EEF2K: variants seen among roughly 807,000 people sequenced by gnomAD.
EEF2K encodes alternative protein EEF2K.
Under a neutral mutation model 93.8 loss-of-function variants are expected in EEF2K, and 70 were observed. That is an observed-to-expected ratio of 0.75 (90% confidence interval 0.62 to 0.91). EEF2K has a LOEUF of 0.91. Among genes scored for constraint, EEF2K ranks in the 40% least tolerant of loss-of-function variants. EEF2K has a pLI of 0.00. For synonymous variants in EEF2K, 376 were observed against 380.8 expected, an observed-to-expected ratio of 0.99 and a Z score of 0.15; for missense variants, 935 against 972.9, an observed-to-expected ratio of 0.96 and a Z score of 0.52.
chr16:22,263,375 A>G lies in EEF2K; in HGVS notation c.1377+188A>G, dbSNP rs566836361. 3.5e-4 allele frequency: 115 copies of G among 329,140 alleles called. No homozygotes were observed. In the South Asian group the frequency reaches 4.3e-3, roughly 12 times the overall value. 20.4% of individuals were successfully genotyped at this position (329,140 alleles called of 1,614,324 possible). On this transcript the variant is annotated intron_variant, in intron 12 of 17. Transcript: ENST00000263026. ...TGTAATCCCAGCACTTTGGGAGGCC[A>G]AGGCGGGTGGATCACCTGACATCAG...
In EEF2K at chr16:22,281,489, C is replaced by A. The variant is rs182935157; in HGVS notation, c.2068+1113C>A. Among the ~76,000 whole-genome samples the A allele has an allele frequency of 1.0e-3, 154 of 152,318 alleles. No homozygotes were observed. In the Middle Eastern group the frequency reaches 0.017, roughly 17 times the overall value. On this transcript the variant is annotated intron_variant, in intron 17 of 17. Transcript: ENST00000263026. ...ACTCCTAGCCTCAAGCAATCTGCTG[C>A]CTTGGCTTCCCAAAGTCTTTGGATT...
chr16:22,278,233 G>A (rs1473212954), intron 16 of EEF2K, among the ~76,000 whole-genome samples: 1 of 152,032 alleles, frequency 6.6e-6, no homozygotes, highest in African/African-American at 2.4e-5. Flanking sequence ...GAGAGCAAAA[G>A]GGGGCTGAAC....
intron 6 of EEF2K, among the ~76,000 whole-genome samples, chr16:22,251,601 T>G (rs934335837): frequency 1.3e-5 from 2 of 149,062 alleles, no homozygotes; most frequent in African/African-American, 4.9e-5. Context: ...ATTTTTGTAT[T>G]TTTAGTAGAG....
At chr16:22,216,780 G>A (rs2046961805) in intron 1 of EEF2K, among the ~76,000 whole-genome samples, 1 of 152,080 alleles carries the variant, frequency 6.6e-6, no homozygotes, top group Admixed American at 6.6e-5. Context: ...GGGATAGGGT[G>A]GGGAAGGGAA....
At chr16:22,217,595 G>A (rs1244629244) in intron 1 of EEF2K, among the ~76,000 whole-genome samples, 2 of 152,016 alleles carry the variant, frequency 1.3e-5, no homozygotes, top group East Asian at 1.9e-4. Flanking sequence ...TGGGATTACC[G>A]GCTCGTGCCA....
intron 11 of EEF2K, among the ~76,000 whole-genome samples, chr16:22,261,839 TA>T (rs1269679008): frequency 1.3e-5 from 2 of 151,450 alleles, no homozygotes; most frequent in East Asian, 3.9e-4. Flanking sequence ...ACCTCATCCC[TA>T]CAAAAAATAT....
At chr16:22,259,704 G>A (rs1020392546) in intron 10 of EEF2K, among the ~76,000 whole-genome samples, 3 of 151,706 alleles carry the variant, frequency 2.0e-5, no homozygotes, top group African/African-American at 7.3e-5. Flanking sequence ...GCTGTAGAGG[G>A]CAGGAGACAG....
intron 2 of EEF2K, among the ~76,000 whole-genome samples, chr16:22,229,094 G>T (rs1191894840): frequency 6.6e-6 from 1 of 151,974 alleles, no homozygotes; most frequent in Non-Finnish European, 1.5e-5. Context: ...AGCCGAGATC[G>T]CACCACTGCA....
At chr16:22,225,627 ACT>A in intron 1 of EEF2K, 25 bp from the exon 2 acceptor site, 1 of 1,521,182 alleles carries the variant, frequency 6.6e-7, no homozygotes, top group South Asian at 1.3e-5. Context: ...CCCAGCACCC[ACT>A]CTCTGGCCCT....
intron 1 of EEF2K, among the ~76,000 whole-genome samples, chr16:22,225,142 A>C (rs2047050595): frequency 6.6e-6 from 1 of 152,174 alleles, no homozygotes; most frequent in African/African-American, 2.4e-5. Flanking sequence ...TGTTCCAGGC[A>C]CAAGGAACAG....
At chr16:22,236,527 T>TG (rs2047169423) in intron 2 of EEF2K, among the ~76,000 whole-genome samples, 1 of 151,878 alleles carries the variant, frequency 6.6e-6, no homozygotes, top group South Asian at 2.1e-4. Context: ...GAAGTGATGA[T>TG]GGGGAAAAAA....
chr16:22,274,460 A>G (rs1189978255), intron 16 of EEF2K, among the ~76,000 whole-genome samples: 1 of 151,402 alleles, frequency 6.6e-6, no homozygotes, highest in African/African-American at 2.4e-5. Context: ...AAAAAAAAAA[A>G]AGATAAAAGT....
intron 2 of EEF2K, among the ~76,000 whole-genome samples, chr16:22,236,460 G>A (rs2047168802): frequency 6.6e-6 from 1 of 151,402 alleles, no homozygotes; most frequent in East Asian, 1.9e-4. Context: ...ATTTGTAGTA[G>A]AGGCAGGGTT....
Position 22,266,725 on chromosome 16 carries a change from G to A in EEF2K, c.1613G>A (p.Arg538His), listed in dbSNP as rs370102420. ...LAMVRYHEGG[R>H]FCEKGEEWDQ... is the part of the protein sequence containing the mutation. ...ATGGTGCGCTACCACGAGGGTGGGC[G>A]CTTCTGCGAGAAGGGCGAGGAGTGG... The change falls in exon 15 of 18, where the codon CGC (arginine) becomes CAC (histidine). Residue 538 changes from arginine to histidine, a missense_variant. Transcript: ENST00000263026. 123 of 1,613,638 alleles carry A rather than the reference G, an allele frequency of 7.6e-5. No individual in the cohort carries two copies. Among genetic ancestry groups the A allele is most frequent in the South Asian group, 4.8e-4 (44 of 90,954 alleles).
intron 1 of EEF2K, among the ~76,000 whole-genome samples, chr16:22,224,642 AAAAAAG>A (rs1334900165): frequency 3.8e-5 from 5 of 130,110 alleles, no homozygotes; most frequent in East Asian, 3.4e-4. Flanking sequence ...GTCTCAAAAA[AAAAAAG>A]AAAAGAAAAG....
rs2047500272 is a variant in EEF2K at position 22,264,731 on chromosome 16, A to C, written c.1378-87A>C. 8.0e-6 allele frequency: 12 copies of C among 1,504,822 alleles called. No individual in the cohort carries two copies. The East Asian group carries it at 2.8e-4, about 35-fold the overall frequency. The allele number at this position is 1,504,822 out of a possible 1,614,324, so 93.2% of individuals were successfully genotyped here. ...CACCTAGGAGGGCCAGGCTGGTTCC[A>C]GGGAGGAGGGCTGGACCAGCTCTCA... On this transcript the variant is annotated intron_variant, in intron 12 of 17. Transcript: ENST00000263026.
At chr16:22,243,602 C>T (rs567013595) in intron 2 of EEF2K, among the ~76,000 whole-genome samples, 1 of 151,986 alleles carries the variant, frequency 6.6e-6, no homozygotes, top group East Asian at 1.9e-4. Context: ...TACCCGTTCC[C>T]TGATATCCGG....
rs569153097 is a variant in EEF2K, at chr16:22,286,373, C to G, written c.*2377C>G. On this transcript the variant is annotated 3_prime_UTR_variant, in exon 18 of 18. Coordinates refer to ENST00000263026, the MANE Select transcript of EEF2K (RefSeq NM_013302.5). ...TGCTTTTTAAATTCAGCCAGCCCCC[C>G]CTCTCTGAAATTTTATTATGTAAAT... 6.6e-5 allele frequency: 10 copies of G among 152,262 alleles called. No individual in the cohort carries two copies. In the South Asian group the frequency reaches 1.0e-3, roughly 16 times the overall value. The allele number at this position is 152,262 out of a possible 1,614,324, so 9.4% of individuals were successfully genotyped here.
Position 22,225,939 on chromosome 16 carries a change from C to T in EEF2K, c.210C>T (p.Ser70=). ...YSNLTKSERY[S]SSGSPANSFH... ...ACCTAACAAAAAGTGAGCGGTATAG[C>T]TCCAGCGGGTCCCCGGCAAACTCCT... Residue 70 remains serine (S), a synonymous_variant, in exon 2 of 18, where the codon AGC becomes AGT. Coordinates refer to ENST00000263026, the MANE Select transcript of EEF2K (RefSeq NM_013302.5). 2 of 1,614,180 alleles carry T rather than the reference C, an allele frequency of 1.2e-6. No homozygotes were observed. The highest frequency in any genetic ancestry group is 1.7e-6 in the Non-Finnish European group (2 of 1,180,042).
Sources: gnomAD v4.1 joint callset for allele counts (sites outside exome capture counted in the v4.1 genomes callset) on GRCh38, gnomAD v4.1.1 for gene constraint, MANE v1.5 for transcripts, NCBI Gene and HGNC (gene_info 2026-07-23, HGNC 2026-07-21) for gene names.